The following IFT81 variants were observed in gnomAD, a reference collection of about 807,000 sequenced individuals.
IFT81 encodes intraflagellar transport 81.
Under a neutral mutation model 102.6 loss-of-function variants are expected in IFT81, and 72 were observed. The observed-to-expected ratio is 0.70, with a 90% confidence interval of 0.58 to 0.85. The LOEUF (loss-of-function observed/expected upper bound fraction) is 0.85, where lower values mean the gene tolerates loss of function less well. Ranked by LOEUF, IFT81 falls within the 40% of genes least tolerant of loss-of-function variation. The pLI is 0.00. For missense variants in IFT81, 723 were observed against 787.3 expected, an observed-to-expected ratio of 0.92 and a Z score of 0.98; for synonymous variants, 237 against 242.7, an observed-to-expected ratio of 0.98 and a Z score of 0.22.
rs1183878595 is a variant in IFT81, at chr12:110,143,389, G to T, written c.789G>T (p.Met263Ile). 7.5e-7 allele frequency: 1 copy of T among 1,330,646 alleles called. No individual in the cohort carries two copies. Among genetic ancestry groups the T allele is most frequent in the South Asian group, 1.5e-5 (1 of 65,830 alleles). 82.4% of individuals were successfully genotyped at this position (1,330,646 alleles called of 1,614,324 possible). A position where few individuals can be genotyped will look rare whatever the true frequency, so the allele number is the denominator to read the frequency against. The change falls in exon 9 of 19, where the codon ATG (methionine) becomes ATT (isoleucine). Residue 263 changes from methionine to isoleucine, a missense_variant. Coordinates refer to ENST00000242591, the MANE Select transcript of IFT81 (RefSeq NM_014055.4). ...TTTATTTTATTTTTAAAGGTTTAAT[G>T]AAGAGGCTAGAGGAGGAGATAAAAT... Reference protein sequence around the residue: ...AAADAKPESLMKRLEEEIKFN... With the variant: ...AAADAKPESLIKRLEEEIKFN...
chr12:110,179,528 C>T (rs1442434121), intron 11 of IFT81, among the ~76,000 whole-genome samples: 1 of 151,184 alleles, frequency 6.6e-6, no homozygotes, highest in African/African-American at 2.4e-5. Flanking sequence ...TCAAAACCAG[C>T]CTGGGCAACA....
At position 110,218,163 on chromosome 12, in the gene IFT81, A is replaced by G. The variant is rs774931156; in HGVS notation, c.1968A>G (p.Gln656=). Residue 656 remains glutamine (Q), a synonymous_variant, in exon 19 of 19, where the codon CAA becomes CAG. Transcript: ENST00000242591. ...GTAAGAAACAGTGCTTTCTGAAACA[A>G]CAAAGCCAAACTTCCATTGGTCAGG... ...MECKKQCFLK[Q]QSQTSIGQVI... is the part of the protein sequence containing the mutation. 5 of 1,587,144 alleles carry G rather than the reference A, an allele frequency of 3.2e-6. No homozygotes were observed. Among genetic ancestry groups the G allele is most frequent in the Non-Finnish European group, 4.3e-6 (5 of 1,172,406 alleles).
intron 12 of IFT81, among the ~76,000 whole-genome samples, chr12:110,190,693 T>C (rs1897755936): frequency 6.6e-6 from 1 of 152,182 alleles, no homozygotes; most frequent in South Asian, 2.1e-4. Flanking sequence ...TTATAAAGTC[T>C]ACGATTAGAA....
intron 12 of IFT81, among the ~76,000 whole-genome samples, chr12:110,189,714 T>A (rs1286282791): frequency 6.6e-6 from 1 of 152,170 alleles, no homozygotes; most frequent in Non-Finnish European, 1.5e-5. Flanking sequence ...ATATTTCAAA[T>A]TTTTAACATG....
intron 15 of IFT81, 147 bp from the exon 16 acceptor site, chr12:110,205,296 C>A: frequency 1.3e-6 from 1 of 793,828 alleles, no homozygotes; most frequent in Non-Finnish European, 1.9e-6. Flanking sequence ...AAAAGATTAT[C>A]TCTTATTGTG....
chr12:110,154,240 C>T (rs1895708185), intron 10 of IFT81, among the ~76,000 whole-genome samples: 1 of 149,438 alleles, frequency 6.7e-6, no homozygotes, highest in South Asian at 2.1e-4. Context: ...GCCTTGGCCT[C>T]CCAAAGTGCT....
At chr12:110,210,465 T>C (rs1048132650) in intron 18 of IFT81, among the ~76,000 whole-genome samples, 1 of 152,152 alleles carries the variant, frequency 6.6e-6, no homozygotes, top group African/African-American at 2.4e-5. Context: ...CCAGGCAAAG[T>C]GACCCATACC....
At chr12:110,127,583 A>G in intron 2 of IFT81, 59 bp downstream of exon 2, 1 of 1,472,632 alleles carries the variant, frequency 6.8e-7, no homozygotes, top group South Asian at 1.4e-5. Flanking sequence ...CCCTCTAAAT[A>G]GCTGTGAGTC....
chr12:110,159,408 C>G (rs922174900), intron 10 of IFT81, among the ~76,000 whole-genome samples: 4 of 152,088 alleles, frequency 2.6e-5, no homozygotes, highest in Admixed American at 2.0e-4. Context: ...TGCAGTGAGC[C>G]AAGATTGGGC....
chr12:110,207,069 A>G (rs1400284093), intron 17 of IFT81, among the ~76,000 whole-genome samples: 1 of 151,352 alleles, frequency 6.6e-6, no homozygotes, highest in Non-Finnish European at 1.5e-5. Flanking sequence ...TTGCTCTGTC[A>G]CCCAGGCTGG....
At chr12:110,185,056 G>A (rs978085375) in intron 12 of IFT81, among the ~76,000 whole-genome samples, 1 of 152,322 alleles carries the variant, frequency 6.6e-6, no homozygotes, top group Admixed American at 6.5e-5. Context: ...CAACATGCCT[G>A]GGACTGTCAG....
intron 10 of IFT81, among the ~76,000 whole-genome samples, chr12:110,149,708 A>G (rs2137385724): frequency 6.6e-6 from 1 of 152,070 alleles, no homozygotes; most frequent in East Asian, 1.9e-4. Context: ...CCACTGCCCC[A>G]TCCTAACTCT....
intron 3 of IFT81, 54 bp downstream of exon 3, chr12:110,128,203 C>A: frequency 9.6e-7 from 1 of 1,042,214 alleles, no homozygotes; most frequent in Non-Finnish European, 1.5e-6. Context: ...ATATCCAAAC[C>A]TTCATATACT....
intron 12 of IFT81, among the ~76,000 whole-genome samples, chr12:110,189,784 C>A (rs1195746416): frequency 3.9e-5 from 6 of 152,160 alleles, no homozygotes; most frequent in Non-Finnish European, 7.4e-5. Context: ...CATTCTTCTT[C>A]CTCTCAACAA....
chr12:110,179,767 T>TACACACACACAC (rs1201027708), intron 11 of IFT81, among the ~76,000 whole-genome samples: 1 of 66,820 alleles, frequency 1.5e-5, no homozygotes, highest in African/African-American at 6.0e-5. Flanking sequence ...TATATATATA[T>TACACACACACAC]ATATATACAC....
intron 11 of IFT81, among the ~76,000 whole-genome samples, chr12:110,179,746 A>G (rs1276997696): frequency 4.3e-4 from 18 of 41,490 alleles, no homozygotes; most frequent in African/African-American, 2.9e-3. Context: ...ATATATATAT[A>G]TATATATATA....
In IFT81 at chr12:110,194,139, T is replaced by G. The variant is rs958176818; in HGVS notation, c.1557+1433T>G. On this transcript the variant is annotated intron_variant, in intron 14 of 18. Transcript: ENST00000242591. ...GCACCAAGAGAATGGTGCTAAACCG[T>G]TCATGAGAATTTCACCCCCACGATC... Among the ~76,000 whole-genome samples, 4 of 152,196 alleles carry G rather than the reference T, an allele frequency of 2.6e-5. No homozygotes were observed. The East Asian group carries it at 7.7e-4, about 29-fold the overall frequency.
intron 9 of IFT81, among the ~76,000 whole-genome samples, chr12:110,145,448 T>G (rs1358050724): frequency 6.6e-6 from 1 of 151,774 alleles, no homozygotes; most frequent in Non-Finnish European, 1.5e-5. Flanking sequence ...TTTTTGTTTT[T>G]TTTTTTTTGA....
intron 15 of IFT81, 55 bp downstream of exon 15, chr12:110,204,005 C>T (rs372844270): frequency 9.1e-7 from 1 of 1,096,248 alleles, no homozygotes; most frequent in East Asian, 2.6e-5. Context: ...GTGTGTACAC[C>T]TGTAGTCCCA....
Sources: allele counts gnomAD v4.1 joint callset (sites outside exome capture counted in the v4.1 genomes callset), GRCh38; gene constraint gnomAD v4.1.1; transcripts MANE v1.5; gene names NCBI Gene and HGNC (gene_info 2026-07-23, HGNC 2026-07-21).